FBN3: variants seen among roughly 807,000 people sequenced by gnomAD.
FBN3 encodes the protein fibrillin 3.
Under a neutral mutation model 330.1 loss-of-function variants are expected in FBN3, and 234 were observed. The observed-to-expected ratio is 0.71, with a 90% confidence interval of 0.64 to 0.79. FBN3 has a LOEUF of 0.79. FBN3 is among the 30% of genes least tolerant of loss of function. The pLI is 0.00. For synonymous variants in FBN3, 1,458 were observed against 1,517.3 expected, an observed-to-expected ratio of 0.96 and a Z score of 0.91; for missense variants, 3,606 against 3,886.9, an observed-to-expected ratio of 0.93 and a Z score of 1.92.
At chr19:8,103,773 C>G (rs981536527) in intron 38 of FBN3, 86 bp from the exon 39 acceptor site, 6 of 1,360,136 alleles carry the variant, frequency 4.4e-6, no homozygotes, top group Non-Finnish European at 6.1e-6. Flanking sequence ...CCAGCAAGGC[C>G]ACTTCACCAG....
chr19:8,138,367 G>C, intron 9 of FBN3, 44 bp from the exon 10 acceptor site: 1 of 1,610,636 alleles, frequency 6.2e-7, no homozygotes. Flanking sequence ...GCCCTCCCCT[G>C]TCCCCTCCTC....
At chr19:8,095,864 G>A (rs564118995) in intron 45 of FBN3, 100 bp downstream of exon 45, 30 of 702,804 alleles carry the variant, frequency 4.3e-5, no homozygotes, top group Admixed American at 1.9e-4. Context: ...CTAAATAATC[G>A]GGGACTTTCT....
rs765905822 is a variant in FBN3 at position 8,096,596 on chromosome 19, C to A, written c.5414-27G>T. ...TGGGGGTGCAGAGAGCATGGTGTTC[C>A]CAGGGCTCCTACCACAGTGTTTGCC... On this transcript the variant is annotated intron_variant, in intron 43 of 63. Transcript: ENST00000600128. This position sits in a 1 kb window ranked among gnomAD's most constrained non-coding sequence, Gnocchi z 4.6. 1 of 1,589,982 alleles carries A rather than the reference C, an allele frequency of 6.3e-7. No individual in the cohort carries two copies. Among genetic ancestry groups the A allele is most frequent in the South Asian group, 1.1e-5 (1 of 88,558 alleles).
chr19:8,086,802 C>G (rs2081973518), intron 54 of FBN3, among the ~76,000 whole-genome samples: 1 of 151,120 alleles, frequency 6.6e-6, no homozygotes, highest in African/African-American at 2.4e-5. Context: ...GAGATGGGGT[C>G]TCACTCTGTC....
chr19:8,118,870 C>T, intron 26 of FBN3, 27 bp downstream of exon 26: 1 of 1,596,292 alleles, frequency 6.3e-7, no homozygotes, highest in Non-Finnish European at 8.6e-7. Flanking sequence ...CTAACACTCA[C>T]ACTTGCACAC....
chr19:8,086,154 A>G (rs1380565068), intron 55 of FBN3, 46 bp downstream of exon 55: 5 of 1,443,540 alleles, frequency 3.5e-6, no homozygotes, highest in Non-Finnish European at 4.6e-6. Context: ...AGTGGGTGCC[A>G]CATGGTAGGT....
At chr19:8,124,142 G>A (rs991082390) in intron 22 of FBN3, 134 bp from the exon 23 acceptor site, 7 of 722,320 alleles carry the variant, frequency 9.7e-6, no homozygotes, top group Admixed American at 2.2e-5. Flanking sequence ...GTGGAAAGGG[G>A]TGACTTCCTC....
At chr19:8,068,575 A>G (rs2081441925) in intron 63 of FBN3, among the ~76,000 whole-genome samples, 1 of 151,028 alleles carries the variant, frequency 6.6e-6, no homozygotes, top group Non-Finnish European at 1.5e-5. Context: ...TGGTACATGT[A>G]CCTGTGGTCT....
intron 46 of FBN3, 55 bp downstream of exon 46, chr19:8,095,320 T>C: frequency 6.4e-7 from 1 of 1,563,668 alleles, no homozygotes; most frequent in Non-Finnish European, 8.7e-7. Flanking sequence ...CAAACTGTGG[T>C]GTACATGGAG....
At chr19:8,111,943 G>C in intron 31 of FBN3, 34 bp downstream of exon 31, 1 of 1,261,620 alleles carries the variant, frequency 7.9e-7, no homozygotes, top group South Asian at 1.6e-5. Flanking sequence ...TACCTCTACT[G>C]CTTTGCCCCC....
At position 8,102,817 on chromosome 19, in the gene FBN3, C is replaced by T; in HGVS notation, c.4996G>A (p.Ala1666Thr). The stretch of plus-strand genomic sequence containing the variant: ...CACATTTTCCGGGTCACGTTGAAGG[C>T]CAGCTCATTTTGACATGTGCCGTTA... ...HYNGTCQNEL[A>T]FNVTRKMCCC... The change falls in exon 40 of 64, where the codon GCC becomes ACC. Residue 1666 changes from alanine to threonine, a missense_variant. Ala to Thr is a moderately conservative substitution (Grantham distance 58). Transcript: ENST00000600128. 1 of 1,614,046 alleles carries T rather than the reference C, an allele frequency of 6.2e-7. No homozygotes were observed. Among genetic ancestry groups the T allele is most frequent in the Non-Finnish European group, 8.5e-7 (1 of 1,179,984 alleles).
At position 8,096,429 on chromosome 19, in the gene FBN3, A is replaced by G; in HGVS notation, c.5539+15T>C. ...CAGCCTGGCTTGAAAAGGAGGGGGA[A>G]GATAAGGGTCTCACCCATGCACAGG... On this transcript the variant is annotated intron_variant, in intron 44 of 63. Transcript: ENST00000600128. The surrounding 1 kb of genome is among the most constrained non-coding windows in gnomAD (Gnocchi z 4.6). The G allele has an allele frequency of 6.2e-7, 1 of 1,608,358 alleles. No homozygotes were observed.
At chr19:8,141,365 CAAA>C (rs56688351) in intron 8 of FBN3, among the ~76,000 whole-genome samples, 10 of 78,956 alleles carry the variant, frequency 1.3e-4, no homozygotes, top group Middle Eastern at 6.8e-3. Flanking sequence ...GACTCTGTCT[CAAA>C]AAAAAAAAAA....
chr19:8,066,113 C>G lies in FBN3; in HGVS notation c.8236G>C (p.Glu2746Gln), dbSNP rs780590806. Residue 2746 changes from glutamate (E) to glutamine (Q), a missense_variant, in exon 64 of 64, where the codon GAG becomes CAG. Physicochemically the swap from Glu to Gln is conservative, Grantham distance 29. Coordinates refer to ENST00000600128, the MANE Select transcript of FBN3 (RefSeq NM_032447.5). Reference protein sequence around the residue: ...RIRYVIVRGNEQGFFRMHHLR... With the variant: ...RIRYVIVRGNQQGFFRMHHLR... ...TGATGCATGCGAAAGAAACCTTGCT[C>G]GTTTCCGCGGACGATGACGTAGCGG... 6.2e-7 allele frequency: 1 copy of G among 1,613,536 alleles called. No individual in the cohort carries two copies. Among genetic ancestry groups the G allele is most frequent in the South Asian group, 1.1e-5 (1 of 91,082 alleles).
intron 46 of FBN3, 74 bp from the exon 47 acceptor site, chr19:8,094,639 C>G: frequency 6.6e-7 from 1 of 1,515,290 alleles, no homozygotes; most frequent in Non-Finnish European, 9.0e-7. Flanking sequence ...GGACCAACAC[C>G]TGCAATCACT....
At chr19:8,067,203 G>C (rs1300648521) in intron 63 of FBN3, among the ~76,000 whole-genome samples, 2 of 148,264 alleles carry the variant, frequency 1.3e-5, no homozygotes, top group Non-Finnish European at 3.0e-5. Flanking sequence ...TCGGCTCACT[G>C]CAACCTCTGC....
At chr19:8,145,981 C>T in intron 4 of FBN3, 43 bp from the exon 5 acceptor site, 1 of 1,515,876 alleles carries the variant, frequency 6.6e-7, no homozygotes, top group Non-Finnish European at 9.0e-7. Context: ...TGGAGATGGG[C>T]CCCGAGATGC....
Position 8,131,298 on chromosome 19 carries a change from G to A in FBN3, c.1991-10C>T. The A allele has an allele frequency of 6.2e-7, 1 of 1,611,776 alleles. No individual in the cohort carries two copies. The highest frequency in any genetic ancestry group is 8.5e-7 in the Non-Finnish European group (1 of 1,179,464). On this transcript the variant is annotated splice_polypyrimidine_tract_variant and intron_variant, in intron 15 of 63. Coordinates refer to ENST00000600128, the MANE Select transcript of FBN3 (RefSeq NM_032447.5). This position sits in a 1 kb window ranked among gnomAD's most constrained non-coding sequence, Gnocchi z 4.5. Reference sequence around the variant, plus strand: ...AGTGCCTGGAACTCAGCTGGGGATGGAGGGACAGAGTGAGACGGGTCAGGG... The same window carrying A: ...AGTGCCTGGAACTCAGCTGGGGATGAAGGGACAGAGTGAGACGGGTCAGGG...
chr19:8,076,372 C>A (rs929336224), intron 59 of FBN3, among the ~76,000 whole-genome samples: 2 of 151,752 alleles, frequency 1.3e-5, no homozygotes, highest in Non-Finnish European at 1.5e-5. Context: ...GTGGCTCATG[C>A]CTGTAATCCC....
Sources: allele counts gnomAD v4.1 joint callset (sites outside exome capture counted in the v4.1 genomes callset), GRCh38; gene constraint gnomAD v4.1.1; non-coding constraint Gnocchi (gnomAD v3.1); transcripts MANE v1.5; gene names NCBI Gene and HGNC (gene_info 2026-07-23, HGNC 2026-07-21).